The following CCDC88B variants were observed in gnomAD, a reference collection of about 807,000 sequenced individuals.
The protein encoded by CCDC88B is coiled-coil domain-containing protein 88B.
Under a neutral mutation model 183.7 loss-of-function variants are expected in CCDC88B, and 138 were observed. The observed-to-expected ratio is 0.75, with a 90% CI of 0.65 to 0.87. The LOEUF is 0.87. Ranked by LOEUF, CCDC88B falls within the 40% of genes least tolerant of loss-of-function variation. The pLI, the probability that CCDC88B is intolerant of heterozygous loss-of-function variation, is 0.00. For missense variants in CCDC88B, 1,822 were observed against 1,965.6 expected, an observed-to-expected ratio of 0.93 and a Z score of 1.38; for synonymous variants, 835 against 867.5, an observed-to-expected ratio of 0.96 and a Z score of 0.66.
Position 64,353,755 on chromosome 11 carries a change from G to C in CCDC88B, c.3874G>C (p.Val1292Leu), listed in dbSNP as rs762001351. Residue 1292 changes from valine (V) to leucine (L), a missense_variant, in exon 23 of 27, where the codon GTG (valine) becomes CTG (leucine). Val to Leu is a conservative substitution (Grantham distance 32). Coordinates refer to ENST00000356786, the MANE Select transcript of CCDC88B (RefSeq NM_032251.6). ...NALRREKQKL[V>L]EKIMDQYRVL... ...CCTGCGCCGCGAGAAGCAGAAGCTCGTGGAGAAGATCATGGACCAATACCG... is the reference window on the plus strand; with the variant it reads ...CCTGCGCCGCGAGAAGCAGAAGCTCCTGGAGAAGATCATGGACCAATACCG... 6.2e-7 allele frequency: 1 copy of C among 1,614,004 alleles called. No individual in the cohort carries two copies. Among genetic ancestry groups the C allele is most frequent in the Non-Finnish European group, 8.5e-7 (1 of 1,179,996 alleles).
chr11:64,346,356 C>T (rs113103478), intron 14 of CCDC88B, among the ~76,000 whole-genome samples: 3,848 of 152,162 alleles, frequency 0.025, 85 homozygotes, highest in Non-Finnish European at 0.032. Flanking sequence ...GCAACCTCCG[C>T]CTCTCAGGTT....
At position 64,353,462 on chromosome 11, in the gene CCDC88B, C is replaced by T. The variant is rs995770455; in HGVS notation, c.3799C>T (p.Arg1267Trp). The change falls in exon 22 of 27, where the codon CGG becomes TGG. Residue 1267 changes from arginine to tryptophan, a missense_variant. Coordinates refer to ENST00000356786, the MANE Select transcript of CCDC88B (RefSeq NM_032251.6). ...RELLERSLES[R>W]DHLHREQREY... ...GCTCCTGGAGCGCAGCCTGGAGAGT[C>T]GGGACCACCTGCACCGCGAACAGCG... The T allele has an allele frequency of 1.1e-5, 17 of 1,612,408 alleles. No homozygotes were observed. Among genetic ancestry groups the T allele is most frequent in the African/African-American group, 2.7e-5 (2 of 74,886 alleles).
intron 23 of CCDC88B, 88 bp from the exon 24 acceptor site, chr11:64,353,916 G>A: frequency 2.5e-6 from 4 of 1,576,260 alleles, no homozygotes; most frequent in Non-Finnish European, 3.5e-6. Context: ...CCCCATGAAG[G>A]TCAACCTGGC....
chr11:64,342,577 A>AGC lies in CCDC88B; in HGVS notation c.960_961insCG (p.Ala321ArgfsTer17), dbSNP rs1210751930. ...GCCGAGCTGTACCGCGAGGAGGCAGAGGCGCTGCGGGAGCGGGCCGGCCGC... is the reference window on the plus strand; with the variant it reads ...GCCGAGCTGTACCGCGAGGAGGCAGAGCGGCGCTGCGGGAGCGGGCCGGCCGC... On this transcript the variant is annotated frameshift_variant, in exon 10 of 27. Transcript: ENST00000356786. LOFTEE classifies it high-confidence loss of function. 3 of 1,531,230 alleles carry AGC rather than the reference A, an allele frequency of 2.0e-6. No individual in the cohort carries two copies. Among genetic ancestry groups the AGC allele is most frequent in the Non-Finnish European group, 2.6e-6 (3 of 1,145,326 alleles). 94.9% of individuals were successfully genotyped at this position (1,531,230 alleles called of 1,614,324 possible).
In CCDC88B at chr11:64,353,785, C is replaced by T; in HGVS notation, c.3904C>T (p.Leu1302=). ...VEKIMDQYRV[L]EPVPLPRTKK... The stretch of plus-strand genomic sequence containing the variant: ...GAAGATCATGGACCAATACCGCGTG[C>T]TGGAGCCTGTGCCCCTGCCCCGGAC... Residue 1302 remains leucine (L), a synonymous_variant, in exon 23 of 27, where the codon CTG becomes TTG. Coordinates refer to ENST00000356786, the MANE Select transcript of CCDC88B (RefSeq NM_032251.6). The T allele has an allele frequency of 6.2e-7, 1 of 1,614,080 alleles. No homozygotes were observed. Among genetic ancestry groups the T allele is most frequent in the South Asian group, 1.1e-5 (1 of 91,086 alleles).
chr11:64,352,235 G>A lies in CCDC88B; in HGVS notation c.3205G>A (p.Gly1069Arg), dbSNP rs751808756. The part of the protein sequence containing the change: ...AARQSQEETR[G>R]QQQALLRDHK... The stretch of plus-strand genomic sequence containing the variant: ...ACGGCAGTCCCAGGAGGAGACCCGC[G>A]GGCAGCAGCAGGCCCTGCTTCGGGA... The change falls in exon 19 of 27, where the codon GGG becomes AGG. Residue 1069 changes from glycine to arginine, a missense_variant. Physicochemically the swap from Gly to Arg is moderately radical, Grantham distance 125. Coordinates refer to ENST00000356786, the MANE Select transcript of CCDC88B (RefSeq NM_032251.6). The A allele has an allele frequency of 6.2e-6, 10 of 1,608,704 alleles. No homozygotes were observed. The highest frequency in any genetic ancestry group is 5.0e-5 in the Admixed American group (3 of 59,470).
chr11:64,353,130 C>T lies in CCDC88B; in HGVS notation c.3577C>T (p.Leu1193=), dbSNP rs769100864. ...TGAACGCGGGGAGCTACGGGGCCGGCTGGCGCGGCTGGAGCTGGAGCGGGC... is the reference window on the plus strand; with the variant it reads ...TGAACGCGGGGAGCTACGGGGCCGGTTGGCGCGGCTGGAGCTGGAGCGGGC... The part of the protein sequence containing the change: ...QGERGELRGR[L]ARLELERAQL... Residue 1193 remains leucine, a synonymous_variant, in exon 21 of 27, where the codon CTG becomes TTG. Transcript: ENST00000356786. 9 of 1,599,950 alleles carry T rather than the reference C, an allele frequency of 5.6e-6. No individual in the cohort carries two copies. In the Admixed American group the frequency reaches 1.6e-4, roughly 28 times the overall value.
At position 64,341,403 on chromosome 11, in the gene CCDC88B, C is replaced by G; in HGVS notation, c.448-18C>G. On this transcript the variant is annotated intron_variant, in intron 5 of 26. Coordinates refer to ENST00000356786, the MANE Select transcript of CCDC88B (RefSeq NM_032251.6). ...GGAGGGAGATCCTGCACCAGCTCCC[C>G]TTCCTGTCTCCCCTCAGTGTGAGCA... 6.2e-7 allele frequency: 1 copy of G among 1,614,016 alleles called. No individual in the cohort carries two copies. Among genetic ancestry groups the G allele is most frequent in the Non-Finnish European group, 8.5e-7 (1 of 1,179,982 alleles).
Position 64,349,446 on chromosome 11 carries a change from G to A in CCDC88B, c.2732G>A (p.Ser911Asn), listed in dbSNP as rs868698423. ...CAGGAATTTCTGCGAGAAAAGGAAA[G>A]CCAGCACCAGAGGTGGGGACAGGGC... ...ERQEFLREKE[S>N]QHQRYQGLEQ... Residue 911 changes from serine (S) to asparagine (N), a missense_variant, in exon 15 of 27, where the codon AGC becomes AAC. Physicochemically the swap from Ser to Asn is conservative, Grantham distance 46 (BLOSUM62 1). Transcript: ENST00000356786. The A allele has an allele frequency of 4.8e-6, 7 of 1,452,430 alleles. No individual in the cohort carries two copies. The Middle Eastern group carries it at 8.0e-4, about 166-fold the overall frequency. The allele number at this position is 1,452,430 out of a possible 1,614,324, so 90.0% of individuals were successfully genotyped here.
In CCDC88B at chr11:64,344,074, C is replaced by G; in HGVS notation, c.1533C>G (p.Phe511Leu). The change falls in exon 14 of 27, where the codon TTC becomes TTG. Residue 511 changes from phenylalanine (F) to leucine (L), a missense_variant. Physicochemically the swap from Phe to Leu is conservative, Grantham distance 22 (BLOSUM62 0). Transcript: ENST00000356786. The surrounding 1 kb of genome is among the most constrained non-coding windows in gnomAD (Gnocchi z 4.5). ...AGGCTCCCCAGACTCCTGTGGCCTTCGACCACAGCCCTCAGGGCTTGGTTC... is the reference window on the plus strand; with the variant it reads ...AGGCTCCCCAGACTCCTGTGGCCTTGGACCACAGCCCTCAGGGCTTGGTTC... Reference protein sequence around the residue: ...LEEAPQTPVAFDHSPQGLVQK... With the variant: ...LEEAPQTPVALDHSPQGLVQK... The G allele has an allele frequency of 6.2e-7, 1 of 1,606,316 alleles. No homozygotes were observed. The highest frequency in any genetic ancestry group is 2.2e-5 in the East Asian group (1 of 44,708).
chr11:64,343,337 A>C lies in CCDC88B; in HGVS notation c.1209+12A>C. On this transcript the variant is annotated intron_variant, in intron 11 of 26. Coordinates refer to ENST00000356786, the MANE Select transcript of CCDC88B (RefSeq NM_032251.6). ...GCGAGGCCCATGCGGTAAGGTAGCC[A>C]GAGTGATCCCACTTGGGTTGCCCCG... 1.3e-6 allele frequency: 2 copies of C among 1,549,718 alleles called. No individual in the cohort carries two copies. The highest frequency in any genetic ancestry group is 1.7e-6 in the Non-Finnish European group (2 of 1,146,182).
chr11:64,355,566 G>A lies in CCDC88B; in HGVS notation c.4313G>A (p.Gly1438Asp), dbSNP rs1240900010. The A allele has an allele frequency of 2.5e-6, 4 of 1,613,070 alleles. No homozygotes were observed. In the East Asian group the frequency reaches 6.7e-5, roughly 27 times the overall value. Reference protein sequence around the residue: ...GAPVSHSKGPGVGWENSAETL... With the variant: ...GAPVSHSKGPDVGWENSAETL... The stretch of plus-strand genomic sequence containing the variant: ...GTTGCCTTGTGCCTCCCAGGACCTG[G>A]TGTGGGATGGGAGAACTCCGCTGAG... The change falls in exon 26 of 27, where the codon GGT becomes GAT. Residue 1438 changes from glycine (G) to aspartate (D), a missense_variant. Gly to Asp is a moderately conservative substitution (Grantham distance 94, BLOSUM62 -1). Coordinates refer to ENST00000356786, the MANE Select transcript of CCDC88B (RefSeq NM_032251.6).
intron 4 of CCDC88B, 44 bp downstream of exon 4, chr11:64,341,222 C>G (rs1428448968): frequency 6.2e-7 from 1 of 1,614,066 alleles, no homozygotes; most frequent in South Asian, 1.1e-5. Flanking sequence ...CCCCGCACTA[C>G]TCTACCTTCC....
At chr11:64,341,883 C>A in intron 7 of CCDC88B, 111 bp from the exon 8 acceptor site, 1 of 605,414 alleles carries the variant, frequency 1.7e-6, no homozygotes, top group Non-Finnish European at 2.4e-6. Context: ...GATGTCACAA[C>A]CAGATGGCCC....
rs1255184639 is a variant in CCDC88B, at chr11:64,344,514, T to C, written c.1973T>C (p.Val658Ala). 6.2e-7 allele frequency: 1 copy of C among 1,607,912 alleles called. No homozygotes were observed. Among genetic ancestry groups the C allele is most frequent in the African/African-American group, 1.3e-5 (1 of 74,790 alleles). ...CCAGGGCCTTCGGAGCCCAGCTCTG[T>C]GCAGCTGGAGGAGCAGGAGGGCCCA... Reference protein sequence around the residue: ...HKPGPSEPSSVQLEEQEGPNQ... With the variant: ...HKPGPSEPSSAQLEEQEGPNQ... Residue 658 changes from valine to alanine, a missense_variant, in exon 14 of 27, where the codon GTG (valine) becomes GCG (alanine). Coordinates refer to ENST00000356786, the MANE Select transcript of CCDC88B (RefSeq NM_032251.6). This position sits in a 1 kb window ranked among gnomAD's most constrained non-coding sequence, Gnocchi z 4.5.
Position 64,357,299 on chromosome 11 carries a change from G to A in CCDC88B, c.*205G>A. The A allele has an allele frequency of 2.7e-6, 2 of 732,770 alleles. No individual in the cohort carries two copies. Among genetic ancestry groups the A allele is most frequent in the Non-Finnish European group, 5.0e-6 (2 of 398,722 alleles). The allele number at this position is 732,770 out of a possible 1,614,324, so 45.4% of individuals were successfully genotyped here. A position where few individuals can be genotyped will look rare whatever the true frequency, so the allele number is the denominator to read the frequency against. ...AGTGTGTGGACAGGGGGGATGGCTG[G>A]CCCCCACGAGCAGCTCCAGGCTGGA... is the stretch of plus-strand genomic sequence containing the variant. On this transcript the variant is annotated 3_prime_UTR_variant, in exon 27 of 27. Transcript: ENST00000356786.
chr11:64,354,048 C>A lies in CCDC88B; in HGVS notation c.3977C>A (p.Pro1326His). Residue 1326 changes from proline (P) to histidine (H), a missense_variant, in exon 24 of 27, where the codon CCC (proline) becomes CAC (histidine). Transcript: ENST00000356786. The part of the protein sequence containing the change: ...LADKVKRLMR[P>H]RREGGPPGGL... ...GACAAGGTGAAGAGGCTGATGCGGC[C>A]CCGGCGGGAGGGGGGCCCCCCTGGG... 1 of 1,454,908 alleles carries A rather than the reference C, an allele frequency of 6.9e-7. No individual in the cohort carries two copies. 90.1% of individuals were successfully genotyped at this position (1,454,908 alleles called of 1,614,324 possible).
chr11:64,354,401 C>A (rs1000976139), intron 24 of CCDC88B, among the ~76,000 whole-genome samples: 2 of 152,106 alleles, frequency 1.3e-5, no homozygotes, highest in African/African-American at 4.8e-5. Flanking sequence ...CTGCCCCATC[C>A]GCAGCGGAGC....
chr11:64,353,150 G>A lies in CCDC88B; in HGVS notation c.3597G>A (p.Glu1199=). Residue 1199 remains glutamate, a synonymous_variant, in exon 21 of 27, where the codon GAG becomes GAA. Coordinates refer to ENST00000356786, the MANE Select transcript of CCDC88B (RefSeq NM_032251.6). Reference sequence around the variant, plus strand: ...GCCGGCTGGCGCGGCTGGAGCTGGAGCGGGCACAGCTGGAGATGCAGAGCC... The same window carrying A: ...GCCGGCTGGCGCGGCTGGAGCTGGAACGGGCACAGCTGGAGATGCAGAGCC... ...LRGRLARLEL[E]RAQLEMQSQQ... The A allele has an allele frequency of 3.8e-6, 6 of 1,593,478 alleles. No individual in the cohort carries two copies. Among genetic ancestry groups the A allele is most frequent in the Non-Finnish European group, 5.1e-6 (6 of 1,171,260 alleles).
Sources: allele counts gnomAD v4.1 joint callset (sites outside exome capture counted in the v4.1 genomes callset), GRCh38; gene constraint gnomAD v4.1.1; non-coding constraint Gnocchi (gnomAD v3.1); transcripts MANE v1.5; gene names NCBI Gene and HGNC (gene_info 2026-07-23, HGNC 2026-07-21).